Variants in SLC44A3 observed in about 807,000 individuals in gnomAD.
SLC44A3 encodes the protein solute carrier family 44 member 3.
Under a neutral mutation model 75.4 loss-of-function variants are expected in SLC44A3, and 74 were observed. The ratio of observed to expected loss-of-function variants is 0.98; its 90% confidence interval spans 0.81 to 1.19. The LOEUF (loss-of-function observed/expected upper bound fraction) is 1.19. SLC44A3 is among the 50% of genes most tolerant of loss of function. The pLI is 0.00. For missense variants in SLC44A3, 700 were observed against 778.6 expected, an observed-to-expected ratio of 0.90 and a Z score of 1.20; for synonymous variants, 310 against 296.9, an observed-to-expected ratio of 1.04 and a Z score of -0.45.
chr1:94,844,955 G>C (rs887578368), intron 8 of SLC44A3, among the ~76,000 whole-genome samples: 1 of 152,170 alleles, frequency 6.6e-6, no homozygotes, highest in Non-Finnish European at 1.5e-5. Flanking sequence ...GTGGGATGTG[G>C]AGGGGAGGAT....
intron 12 of SLC44A3, among the ~76,000 whole-genome samples, chr1:94,886,396 A>C (rs1669589164): frequency 6.6e-6 from 1 of 151,960 alleles, no homozygotes; most frequent in African/African-American, 2.4e-5. Context: ...AGCCCCACCC[A>C]CCGAGGGCTG....
intron 9 of SLC44A3, chr1:94,855,237 T>C (rs1665735986): frequency 6.6e-6 from 1 of 152,210 alleles, no homozygotes; most frequent in Admixed American, 6.5e-5. Context: ...CTGTAGGACA[T>C]ACTTACCTTT....
In SLC44A3 at chr1:94,865,428, G is replaced by A. The variant is rs1391198170; in HGVS notation, c.1395+529G>A. 2.6e-5 allele frequency among the ~76,000 whole-genome samples: 4 copies of A among 152,282 alleles called. No individual in the cohort carries two copies. In the East Asian group the frequency reaches 7.7e-4, roughly 29 times the overall value. Reference sequence around the variant, plus strand: ...AGAGGGTTTGAATGAGAGTGTGTATGTGTGTGTACATGCGTGTGTACACAT... The same window carrying A: ...AGAGGGTTTGAATGAGAGTGTGTATATGTGTGTACATGCGTGTGTACACAT... On this transcript the variant is annotated intron_variant, in intron 11 of 14. Transcript: ENST00000271227.
chr1:94,833,313 G>A (rs367798984), intron 5 of SLC44A3, among the ~76,000 whole-genome samples: 7 of 152,266 alleles, frequency 4.6e-5, no homozygotes, highest in African/African-American at 1.7e-4. Context: ...GGTTCTTCGG[G>A]GCTCTTTCAG....
chr1:94,891,584 A>T (rs1416312342), intron 13 of SLC44A3, among the ~76,000 whole-genome samples: 1 of 152,224 alleles, frequency 6.6e-6, no homozygotes, highest in Non-Finnish European at 1.5e-5. Context: ...CTAATCTCAG[A>T]AAATGAACGT....
At chr1:94,882,158 C>T (rs527418235) in intron 12 of SLC44A3, among the ~76,000 whole-genome samples, 105 of 152,294 alleles carry the variant, frequency 6.9e-4, no homozygotes, top group East Asian at 1.5e-3. Context: ...TAGGACTCTG[C>T]GTATTAGGTA....
chr1:94,894,816 A>AGAG lies in SLC44A3; in HGVS notation c.1858-1_1859dup. 1 of 1,607,546 alleles carries AGAG rather than the reference A, an allele frequency of 6.2e-7. No individual in the cohort carries two copies. Among genetic ancestry groups the AGAG allele is most frequent in the Non-Finnish European group, 8.5e-7 (1 of 1,176,568 alleles). ...ATTCTAACTTGTTCTTTTGTTTTTC[A>AGAG]GAGTTTCGTAAAAAGGAGCAACAAA... is the stretch of plus-strand genomic sequence containing the variant. On this transcript the variant is annotated splice_acceptor_variant, in intron 14 of 14. Coordinates refer to ENST00000271227, the MANE Select transcript of SLC44A3 (RefSeq NM_001114106.3). LOFTEE classifies it high-confidence loss of function.
intron 11 of SLC44A3, 78 bp downstream of exon 11, chr1:94,864,977 T>G: frequency 6.7e-7 from 1 of 1,502,868 alleles, no homozygotes; most frequent in Non-Finnish European, 9.0e-7. Flanking sequence ...CTACAGCAGG[T>G]CCCAGGACAG....
At chr1:94,887,218 A>G (rs142433918) in intron 12 of SLC44A3, among the ~76,000 whole-genome samples, 148 of 152,254 alleles carry the variant, frequency 9.7e-4, no homozygotes, top group African/African-American at 3.4e-3. Flanking sequence ...ATGTTAGTGC[A>G]CTCCATCTTC....
chr1:94,848,939 G>C (rs1664818981), intron 9 of SLC44A3, among the ~76,000 whole-genome samples: 1 of 152,120 alleles, frequency 6.6e-6, no homozygotes, highest in Non-Finnish European at 1.5e-5. Flanking sequence ...CAGAAGTCAA[G>C]GCAGCACAAG....
intron 9 of SLC44A3, among the ~76,000 whole-genome samples, chr1:94,851,517 CT>C (rs1665213881): frequency 6.6e-6 from 1 of 152,188 alleles, no homozygotes; most frequent in East Asian, 1.9e-4. Flanking sequence ...AGGACCATGC[CT>C]TTTTCTTTCT....
chr1:94,870,610 T>A (rs1667651320), intron 12 of SLC44A3, among the ~76,000 whole-genome samples: 1 of 152,216 alleles, frequency 6.6e-6, no homozygotes, highest in Admixed American at 6.5e-5. Context: ...GTATTGGCAA[T>A]AAACTATTTT....
chr1:94,842,723 G>A (rs1663824604), intron 8 of SLC44A3, among the ~76,000 whole-genome samples: 1 of 145,028 alleles, frequency 6.9e-6, no homozygotes, highest in Admixed American at 6.6e-5. Flanking sequence ...AGGCCCTGGG[G>A]CGGACCCCAC....
intron 12 of SLC44A3, among the ~76,000 whole-genome samples, chr1:94,879,472 C>T (rs981706716): frequency 2.8e-5 from 4 of 142,960 alleles, no homozygotes; most frequent in African/African-American, 5.2e-5. Flanking sequence ...GCAGAGGTTG[C>T]GGTGAGCCGG....
chr1:94,857,189 T>C, intron 9 of SLC44A3, 146 bp from the exon 10 acceptor site: 1 of 742,056 alleles, frequency 1.3e-6, no homozygotes, highest in South Asian at 2.4e-5. Flanking sequence ...TTGATTTTTG[T>C]ATATTTTAAA....
At chr1:94,827,689 G>A (rs1423445309) in intron 4 of SLC44A3, 46 bp downstream of exon 4, 2 of 1,607,560 alleles carry the variant, frequency 1.2e-6, no homozygotes, top group South Asian at 2.2e-5. Context: ...GATGGGGTAA[G>A]CTGTGGGGAC....
intron 12 of SLC44A3, among the ~76,000 whole-genome samples, chr1:94,880,449 G>A (rs1253777517): frequency 2.6e-5 from 4 of 152,126 alleles, no homozygotes; most frequent in East Asian, 1.9e-4. Context: ...ACAAAAGGAC[G>A]AATACTGTAT....
At chr1:94,838,575 C>T (rs1303164127) in intron 6 of SLC44A3, among the ~76,000 whole-genome samples, 4 of 152,234 alleles carry the variant, frequency 2.6e-5, no homozygotes, top group Admixed American at 2.6e-4. Flanking sequence ...CCACAAACCT[C>T]TTGGTAGAGA....
At chr1:94,838,717 A>G (rs2101034080) in intron 6 of SLC44A3, among the ~76,000 whole-genome samples, 1 of 152,312 alleles carries the variant, frequency 6.6e-6, no homozygotes, top group South Asian at 2.1e-4. Flanking sequence ...TGACTTTCAG[A>G]CTTCTTACTT....
Sources: gnomAD v4.1 joint callset for allele counts (sites outside exome capture counted in the v4.1 genomes callset) on GRCh38, gnomAD v4.1.1 for gene constraint, MANE v1.5 for transcripts, NCBI Gene and HGNC (gene_info 2026-07-23, HGNC 2026-07-21) for gene names.